CSMD1: variants seen among roughly 807,000 people sequenced by gnomAD.
CSMD1 encodes CUB and Sushi multiple domains 1.
In CSMD1, 213 loss-of-function variants were observed where a neutral mutation model predicts 417.5. The observed-to-expected ratio is 0.51, with a 90% CI of 0.46 to 0.57. The LOEUF (loss-of-function observed/expected upper bound fraction) is 0.57, where lower values mean the gene tolerates loss of function less well. Ranked by LOEUF, CSMD1 falls within the 20% of genes least tolerant of loss-of-function variation. The probability of loss-of-function intolerance (pLI) is 0.00; values close to 1 mark genes in which losing one functional copy is unlikely to be tolerated. For missense variants in CSMD1, 6,923 were observed against 4,529.7 expected, an observed-to-expected ratio of 1.53 and a Z score of -15.17; for synonymous variants, 2,862 against 1,736.8, an observed-to-expected ratio of 1.65 and a Z score of -16.11.
chr8:3,596,055 G>A (rs75784542), intron 8 of CSMD1, among the ~76,000 whole-genome samples: 2 of 151,938 alleles, frequency 1.3e-5, no homozygotes, highest in Non-Finnish European at 2.9e-5. Flanking sequence ...TTCCACGTGG[G>A]CTTAGGAAGC....
intron 6 of CSMD1, among the ~76,000 whole-genome samples, chr8:3,709,678 A>ATTTTTTTTTT (rs1563296488): frequency 1.2e-4 from 3 of 24,314 alleles, no homozygotes; most frequent in Non-Finnish European, 2.7e-4. Flanking sequence ...TTGCAGCAGC[A>ATTTTTTTTTT]TGTTTTTTTT....
At chr8:4,419,209 G>A (rs1416579900) in intron 3 of CSMD1, among the ~76,000 whole-genome samples, 3 of 152,120 alleles carry the variant, frequency 2.0e-5, no homozygotes, top group East Asian at 1.9e-4. Context: ...AGACTCCAGA[G>A]TTTCTGTTAC....
intron 23 of CSMD1, among the ~76,000 whole-genome samples, chr8:3,311,541 C>T (rs981561629): frequency 3.6e-4 from 55 of 152,194 alleles, no homozygotes. Flanking sequence ...TGAGTCTAAT[C>T]AGCTAGAGAG....
chr8:4,559,190 C>G (rs1036315351), intron 2 of CSMD1, among the ~76,000 whole-genome samples: 1 of 152,118 alleles, frequency 6.6e-6, no homozygotes, highest in South Asian at 2.1e-4. Flanking sequence ...TGAGCATATG[C>G]TGGCTTTAGT....
intron 1 of CSMD1, among the ~76,000 whole-genome samples, chr8:4,920,868 A>G (rs866873549): frequency 4.1e-4 from 5 of 12,124 alleles, no homozygotes; most frequent in Non-Finnish European, 9.8e-4. Context: ...AAAGAAAAGA[A>G]AAGAAAAGAA....
chr8:3,443,085 G>T (rs1159834507), intron 12 of CSMD1, among the ~76,000 whole-genome samples: 1 of 152,128 alleles, frequency 6.6e-6, no homozygotes, highest in Non-Finnish European at 1.5e-5. Flanking sequence ...CAAGGCCATG[G>T]ACTTGCATTT....
chr8:4,212,700 C>T (rs12156156), intron 3 of CSMD1, among the ~76,000 whole-genome samples: 59 of 148,754 alleles, frequency 4.0e-4, no homozygotes, highest in African/African-American at 1.4e-3. Context: ...TATATGTAAC[C>T]ACATACATGA....
At chr8:3,069,454 A>C (rs1322656471) in intron 49 of CSMD1, among the ~76,000 whole-genome samples, 1 of 151,916 alleles carries the variant, frequency 6.6e-6, no homozygotes. Context: ...AAAGAAAAAG[A>C]AAAAGAAAGG....
chr8:3,656,241 T>TA (rs1375460961), intron 7 of CSMD1, among the ~76,000 whole-genome samples: 1 of 152,056 alleles, frequency 6.6e-6, no homozygotes, highest in Non-Finnish European at 1.5e-5. Flanking sequence ...GGGACCCAGG[T>TA]AAACAGGAAG....
intron 26 of CSMD1, among the ~76,000 whole-genome samples, chr8:3,233,414 T>C (rs1257637464): frequency 6.6e-6 from 1 of 152,230 alleles, no homozygotes; most frequent in Non-Finnish European, 1.5e-5. Context: ...CCCTCGACCT[T>C]GGACTTCTCA....
In CSMD1 at chr8:4,007,228, C is replaced by G. The variant is rs567453301; in HGVS notation, c.611-9118G>C. Among the ~76,000 whole-genome samples, 19 of 152,202 alleles carry G rather than the reference C, an allele frequency of 1.2e-4. No individual in the cohort carries two copies. The East Asian group carries it at 2.1e-3, about 17-fold the overall frequency. ...TATATTTTCTATTCAAAGCTGTGAA[C>G]TACTCAAATCACCACTCATAATAAA... On this transcript the variant is annotated intron_variant, in intron 4 of 69. Coordinates refer to ENST00000635120, the MANE Select transcript of CSMD1 (RefSeq NM_033225.6).
chr8:4,442,073 G>A (rs1798516197), intron 2 of CSMD1, among the ~76,000 whole-genome samples: 1 of 151,504 alleles, frequency 6.6e-6, no homozygotes, highest in African/African-American at 2.4e-5. Flanking sequence ...AAACTGCTCA[G>A]AGTTTGAGTT....
chr8:4,325,242 G>A (rs1255026430), intron 3 of CSMD1, among the ~76,000 whole-genome samples: 3 of 152,186 alleles, frequency 2.0e-5, no homozygotes, highest in Admixed American at 1.3e-4. Flanking sequence ...CCAGGAATGT[G>A]CGACTTTCAA....
intron 3 of CSMD1, among the ~76,000 whole-genome samples, chr8:4,278,205 A>G (rs895987805): frequency 1.3e-5 from 2 of 152,186 alleles, no homozygotes; most frequent in African/African-American, 4.8e-5. Flanking sequence ...CCAGTGCTCA[A>G]TAGAGCCAAG....
At chr8:3,725,092 C>A (rs570398162) in intron 6 of CSMD1, among the ~76,000 whole-genome samples, 6 of 152,034 alleles carry the variant, frequency 3.9e-5, no homozygotes, top group East Asian at 1.9e-4. Flanking sequence ...CTCAGCATAG[C>A]GGTTTGGAAG....
intron 2 of CSMD1, among the ~76,000 whole-genome samples, chr8:4,586,559 C>A (rs1359969847): frequency 1.3e-5 from 2 of 151,260 alleles, no homozygotes; most frequent in Non-Finnish European, 2.9e-5. Context: ...ATGGACGTAA[C>A]CTTTTTAGCA....
intron 7 of CSMD1, among the ~76,000 whole-genome samples, chr8:3,647,402 A>G (rs1052361015): frequency 2.1e-5 from 3 of 145,474 alleles, no homozygotes; most frequent in Admixed American, 6.9e-5. Flanking sequence ...AAAGAGAAAT[A>G]GAACACAAAG....
At chr8:4,421,162 G>A (rs192708984) in intron 2 of CSMD1, among the ~76,000 whole-genome samples, 1 of 152,260 alleles carries the variant, frequency 6.6e-6, no homozygotes, top group African/African-American at 2.4e-5. Flanking sequence ...TGTCATACCA[G>A]AAGACACTGC....
intron 3 of CSMD1, among the ~76,000 whole-genome samples, chr8:4,140,196 A>AAGACAAAT (rs1554466804): frequency 6.7e-6 from 1 of 150,112 alleles, no homozygotes; most frequent in African/African-American, 2.5e-5. Context: ...CTAAAACCAC[A>AAGACAAAT]AAACAAATAA....
Sources: allele counts gnomAD v4.1 joint callset (sites outside exome capture counted in the v4.1 genomes callset), GRCh38; gene constraint gnomAD v4.1.1; transcripts MANE v1.5; gene names NCBI Gene and HGNC (gene_info 2026-07-23, HGNC 2026-07-21).